AMPH: variants seen among roughly 807,000 people sequenced by gnomAD.
AMPH encodes amphiphysin.
Under a neutral mutation model 99.1 loss-of-function variants are expected in AMPH, and 49 were observed. The observed-to-expected ratio is 0.49, with a 90% confidence interval of 0.39 to 0.63. The LOEUF is 0.63. Ranked by LOEUF, AMPH falls within the 20% of genes least tolerant of loss-of-function variation. The probability of loss-of-function intolerance (pLI) is 0.00; values close to 1 mark genes in which losing one functional copy is unlikely to be tolerated. For synonymous variants in AMPH, 314 were observed against 317.3 expected, an observed-to-expected ratio of 0.99 and a Z score of 0.11; for missense variants, 759 against 863.4, an observed-to-expected ratio of 0.88 and a Z score of 1.52.
chr7:38,501,305 C>A (rs1337311139), intron 3 of AMPH, among the ~76,000 whole-genome samples: 1 of 152,182 alleles, frequency 6.6e-6, no homozygotes, highest in African/African-American at 2.4e-5. Flanking sequence ...ATTCTCCTGC[C>A]TAAGCCTCCT....
intron 10 of AMPH, among the ~76,000 whole-genome samples, chr7:38,461,841 T>A (rs966133301): frequency 6.6e-6 from 1 of 152,256 alleles, no homozygotes; most frequent in African/African-American, 2.4e-5. Flanking sequence ...CATTTCACTT[T>A]CCATTCAAGG....
intron 11 of AMPH, among the ~76,000 whole-genome samples, chr7:38,446,292 T>C (rs1304088058): frequency 6.6e-6 from 1 of 152,206 alleles, no homozygotes; most frequent in African/African-American, 2.4e-5. Flanking sequence ...ACATATGATC[T>C]AGCTAGTTTA....
At chr7:38,541,133 T>C (rs1047237037) in intron 1 of AMPH, among the ~76,000 whole-genome samples, 1 of 151,306 alleles carries the variant, frequency 6.6e-6, no homozygotes, top group African/African-American at 2.4e-5. Context: ...GAACAGGACA[T>C]GGAGGGGTGG....
chr7:38,522,603 A>C (rs1790009711), intron 2 of AMPH, among the ~76,000 whole-genome samples: 1 of 152,032 alleles, frequency 6.6e-6, no homozygotes, highest in African/African-American at 2.4e-5. Context: ...CAGAGGGGAG[A>C]GAAGGGGAAA....
intron 13 of AMPH, among the ~76,000 whole-genome samples, chr7:38,430,404 A>G (rs1288643154): frequency 6.6e-6 from 1 of 152,220 alleles, no homozygotes; most frequent in Non-Finnish European, 1.5e-5. Context: ...TTTTCTCCAC[A>G]TAATGAAAAA....
chr7:38,497,915 C>T (rs558680045), intron 3 of AMPH, among the ~76,000 whole-genome samples: 3 of 152,200 alleles, frequency 2.0e-5, no homozygotes, highest in Admixed American at 1.3e-4. Context: ...AATGACACCA[C>T]GTGCACTGTG....
intron 1 of AMPH, among the ~76,000 whole-genome samples, chr7:38,558,738 G>T (rs1472452236): frequency 6.6e-6 from 1 of 152,196 alleles, no homozygotes; most frequent in African/African-American, 2.4e-5. Context: ...GCTGATGCTG[G>T]TTCAGCATTT....
intron 1 of AMPH, among the ~76,000 whole-genome samples, chr7:38,559,956 A>G (rs907974825): frequency 2.0e-5 from 3 of 152,214 alleles, no homozygotes; most frequent in Admixed American, 6.5e-5. Flanking sequence ...CAATATGATA[A>G]AACAAAAGTG....
intron 1 of AMPH, among the ~76,000 whole-genome samples, chr7:38,606,713 C>T (rs187037769): frequency 8.6e-5 from 13 of 152,046 alleles, no homozygotes; most frequent in Admixed American, 1.3e-4. Flanking sequence ...GCTGGGGCCA[C>T]AGGCAAATGC....
chr7:38,489,878 T>C (rs1035362985), intron 5 of AMPH, among the ~76,000 whole-genome samples: 1 of 152,158 alleles, frequency 6.6e-6, no homozygotes, highest in Non-Finnish European at 1.5e-5. Context: ...AGAGATCTGC[T>C]GTGCCTACAG....
chr7:38,433,988 A>C (rs78867358), intron 12 of AMPH, among the ~76,000 whole-genome samples: 13,310 of 152,134 alleles, frequency 0.087, 801 homozygotes, highest in Middle Eastern at 0.2. Flanking sequence ...TTTTGAGTGA[A>C]GAGGAAAGAA....
intron 17 of AMPH, among the ~76,000 whole-genome samples, chr7:38,413,922 C>T (rs185315918): frequency 2.8e-4 from 43 of 152,320 alleles, no homozygotes; most frequent in Admixed American, 1.1e-3. Flanking sequence ...AACCCAAATG[C>T]TGTTTCCCGT....
rs116214644 is a variant in AMPH at position 38,532,145 on chromosome 7, A to G, written c.150+2786T>C. On this transcript the variant is annotated intron_variant, in intron 2 of 20. Transcript: ENST00000356264. The stretch of plus-strand genomic sequence containing the variant: ...CACTTCTCAACCTTTAATATGTTTC[A>G]AAAGAAAATTAATAAATCCCTCCCC... Among the ~76,000 whole-genome samples the G allele has an allele frequency of 2.3e-3, 346 of 152,254 alleles. 3 individuals are homozygous for G. The highest frequency in any genetic ancestry group is 7.9e-3 in the African/African-American group (327 of 41,562).
chr7:38,558,947 T>G (rs976569466), intron 1 of AMPH, among the ~76,000 whole-genome samples: 3 of 152,230 alleles, frequency 2.0e-5, no homozygotes, highest in African/African-American at 7.2e-5. Context: ...CCTTTTAATC[T>G]ATACTGGCAG....
At chr7:38,441,108 C>G (rs1216108654) in intron 11 of AMPH, among the ~76,000 whole-genome samples, 1 of 151,926 alleles carries the variant, frequency 6.6e-6, no homozygotes, top group South Asian at 2.1e-4. Context: ...AAAAAGAAAG[C>G]TGTAGTAATT....
At chr7:38,594,994 A>G (rs1411720192) in intron 1 of AMPH, among the ~76,000 whole-genome samples, 1 of 152,208 alleles carries the variant, frequency 6.6e-6, no homozygotes, top group African/African-American at 2.4e-5. Flanking sequence ...TGTACATTAC[A>G]TGTGAAATGT....
At chr7:38,550,480 C>T (rs1791143251) in intron 1 of AMPH, among the ~76,000 whole-genome samples, 1 of 152,196 alleles carries the variant, frequency 6.6e-6, no homozygotes, top group Non-Finnish European at 1.5e-5. Flanking sequence ...TCACACGATA[C>T]ACCACAAATG....
chr7:38,588,654 A>G (rs1792749742), intron 1 of AMPH, among the ~76,000 whole-genome samples: 1 of 151,846 alleles, frequency 6.6e-6, no homozygotes, highest in African/African-American at 2.4e-5. Flanking sequence ...AACCTAACCA[A>G]CTCTCCAATT....
At chr7:38,552,349 C>A (rs1293710510) in intron 1 of AMPH, among the ~76,000 whole-genome samples, 1 of 152,216 alleles carries the variant, frequency 6.6e-6, no homozygotes, top group Non-Finnish European at 1.5e-5. Flanking sequence ...CTGCACAGAT[C>A]ATTTGGATGA....
Sources: gnomAD v4.1 joint callset for allele counts (sites outside exome capture counted in the v4.1 genomes callset) on GRCh38, gnomAD v4.1.1 for gene constraint, MANE v1.5 for transcripts, NCBI Gene and HGNC (gene_info 2026-07-23, HGNC 2026-07-21) for gene names.